COL5A3: variants seen among roughly 807,000 people sequenced by gnomAD.
COL5A3 encodes collagen type V alpha 3 chain.
A neutral mutation model predicts 250.0 loss-of-function variants in COL5A3; 172 were observed. The observed-to-expected ratio is 0.69, with a 90% CI of 0.61 to 0.78. The LOEUF is 0.78. Among genes scored for constraint, COL5A3 ranks in the 30% least tolerant of loss-of-function variants. The pLI, the probability that COL5A3 is intolerant of heterozygous loss-of-function variation, is 0.00. For missense variants in COL5A3, 2,340 were observed against 2,334.4 expected, an observed-to-expected ratio of 1.00 and a Z score of -0.05; for synonymous variants, 937 against 900.4, an observed-to-expected ratio of 1.04 and a Z score of -0.73.
rs369473908 is a variant in COL5A3 at position 9,965,365 on chromosome 19, C to G, written c.4782+949G>C. Among the ~76,000 whole-genome samples, 132 of 151,200 alleles carry G rather than the reference C, an allele frequency of 8.7e-4. No homozygotes were observed. The Middle Eastern group carries it at 0.038, about 43-fold the overall frequency. The stretch of plus-strand genomic sequence containing the variant: ...TAGAGACAGGGTTTCACCATGTTAG[C>G]TAGGATGGTCTCGATCTCCTGACCT... On this transcript the variant is annotated intron_variant, in intron 64 of 66. Coordinates refer to ENST00000264828, the MANE Select transcript of COL5A3 (RefSeq NM_015719.4).
intron 6 of COL5A3, among the ~76,000 whole-genome samples, chr19:10,002,100 T>C (rs1037182715): frequency 6.6e-6 from 1 of 152,160 alleles, no homozygotes; most frequent in Non-Finnish European, 1.5e-5. Context: ...TGAGTCAGGC[T>C]GGCCCTGAAG....
At chr19:10,010,143 C>G (rs937053441) in intron 1 of COL5A3, among the ~76,000 whole-genome samples, 155 bp downstream of exon 1, 6 of 151,622 alleles carry the variant, frequency 4.0e-5, no homozygotes, top group African/African-American at 1.5e-4. Context: ...ACAAATCACC[C>G]AGAGTCAGAT....
Position 9,967,894 on chromosome 19 carries a change from G to A in COL5A3, c.4404+10C>T. On this transcript the variant is annotated intron_variant, in intron 61 of 66. Transcript: ENST00000264828. ...GGATGTGTAAGCCCACGGAAGCAGG[G>A]TGTACTCACCGGAGACCCTTTTGAG... 4.3e-6 allele frequency: 7 copies of A among 1,612,754 alleles called. No homozygotes were observed. The Admixed American group carries it at 8.4e-5, about 19-fold the overall frequency.
At chr19:9,995,824 T>C (rs923564419) in intron 15 of COL5A3, among the ~76,000 whole-genome samples, 1 of 152,154 alleles carries the variant, frequency 6.6e-6, no homozygotes, top group Admixed American at 6.5e-5. Context: ...ATTTATTTAT[T>C]GTATAGACAG....
intron 27 of COL5A3, 61 bp downstream of exon 27, chr19:9,989,063 T>G: frequency 1.3e-6 from 2 of 1,538,822 alleles, no homozygotes; most frequent in Non-Finnish European, 1.8e-6. Context: ...CTGATGGAGC[T>G]GCATCGCATG....
Position 9,977,444 on chromosome 19 carries a change from C to T in COL5A3, c.3155G>A (p.Gly1052Asp). The T allele has an allele frequency of 3.3e-6, 5 of 1,521,450 alleles. No homozygotes were observed. The highest frequency in any genetic ancestry group is 4.4e-6 in the Non-Finnish European group (5 of 1,136,448). The allele number at this position is 1,521,450 out of a possible 1,614,324, so 94.2% of individuals were successfully genotyped here. A position where few individuals can be genotyped will look rare whatever the true frequency, so the allele number is the denominator to read the frequency against. The stretch of plus-strand genomic sequence containing the variant: ...CAGGGGCCCTGGGATCCCATCTTTG[C>T]CAGTGGGGCCAGGGGGGCCACGTTC... Reference protein sequence around the residue: ...RGERGPPGPTGKDGIPGPLGP... With the variant: ...RGERGPPGPTDKDGIPGPLGP... The change falls in exon 43 of 67, where the codon GGC becomes GAC. Residue 1052 changes from glycine (G) to aspartate (D), a missense_variant. Coordinates refer to ENST00000264828, the MANE Select transcript of COL5A3 (RefSeq NM_015719.4).
chr19:9,986,460 G>T, intron 29 of COL5A3, 38 bp from the exon 30 acceptor site: 1 of 1,609,478 alleles, frequency 6.2e-7, no homozygotes, highest in Non-Finnish European at 8.5e-7. Context: ...TCCATCTTTT[G>T]TCCTTCCTGC....
At chr19:9,996,012 G>A (rs2087264546) in intron 15 of COL5A3, 54 bp downstream of exon 15, 3 of 1,458,414 alleles carry the variant, frequency 2.1e-6, no homozygotes, top group Non-Finnish European at 2.8e-6. Flanking sequence ...GTATCTTGTG[G>A]TCCTGGGGGA....
intron 8 of COL5A3, among the ~76,000 whole-genome samples, chr19:9,999,834 T>A (rs1323803724): frequency 6.6e-6 from 1 of 152,112 alleles, no homozygotes; most frequent in East Asian, 1.9e-4. Flanking sequence ...AGTGGTGTGA[T>A]CATGGCTTCC....
intron 15 of COL5A3, 34 bp downstream of exon 15, chr19:9,996,032 C>T: frequency 6.6e-7 from 1 of 1,516,552 alleles, no homozygotes. Flanking sequence ...AAGGCTATTC[C>T]CATCCTATCC....
rs201290996 is a variant in COL5A3 at position 9,992,107 on chromosome 19, A to G, written c.1849-59T>C. On this transcript the variant is annotated intron_variant, in intron 21 of 66. Coordinates refer to ENST00000264828, the MANE Select transcript of COL5A3 (RefSeq NM_015719.4). ...GCAACAAGCTGGGAGCCTGAGTCTG[A>G]GACACCGAGAGATGCAGGTGGAAAG... 13 of 1,431,330 alleles carry G rather than the reference A, an allele frequency of 9.1e-6. No individual in the cohort carries two copies. In the East Asian group the frequency reaches 3.0e-4, roughly 32 times the overall value. The allele number at this position is 1,431,330 out of a possible 1,614,324, so 88.7% of individuals were successfully genotyped here.
rs770960644 is a variant in COL5A3, at chr19:9,974,246, T to C, written c.3451-22A>G. 4.5e-5 allele frequency: 73 copies of C among 1,613,376 alleles called. No homozygotes were observed. The highest frequency in any genetic ancestry group is 5.6e-5 in the Non-Finnish European group (66 of 1,179,778). ...GCCCCTGTGGAACAAAGAAGCAAGA[T>C]TGGGGCACCAGGTAGGGAGAATCAG... is the stretch of plus-strand genomic sequence containing the variant. On this transcript the variant is annotated intron_variant, in intron 46 of 66. Transcript: ENST00000264828.
At position 10,003,616 on chromosome 19, in the gene COL5A3, CT is replaced by C; in HGVS notation, c.797del (p.Lys266ArgfsTer46). The C allele has an allele frequency of 6.2e-7, 1 of 1,614,180 alleles. No homozygotes were observed. Among genetic ancestry groups the C allele is most frequent in the African/African-American group, 1.3e-5 (1 of 75,048 alleles). On this transcript the variant is annotated frameshift_variant, in exon 6 of 67. Coordinates refer to ENST00000264828, the MANE Select transcript of COL5A3 (RefSeq NM_015719.4). LOFTEE classifies it high-confidence loss of function. ...GACTTGAGGTCCAAATTTCCTTGTTCTTTTTCCTGCCCTTCCCCTTGCGACC... is the reference window on the plus strand; with the variant it reads ...GACTTGAGGTCCAAATTTCCTTGTTCTTTTCCTGCCCTTCCCCTTGCGACC... ...GRGRKGKGRK[K>X]NKEIWTSSPP...
chr19:9,997,835 C>A (rs544180009), intron 10 of COL5A3, 149 bp downstream of exon 10: 19 of 735,850 alleles, frequency 2.6e-5, no homozygotes, highest in African/African-American at 1.2e-4. Flanking sequence ...TGTTCATCCT[C>A]CCTATTTTGA....
intron 30 of COL5A3, 134 bp from the exon 31 acceptor site, chr19:9,986,029 C>T: frequency 1.3e-6 from 1 of 798,996 alleles, no homozygotes; most frequent in Non-Finnish European, 2.1e-6. Flanking sequence ...GTCCTTGCTC[C>T]TGCCTGCTAG....
intron 31 of COL5A3, among the ~76,000 whole-genome samples, chr19:9,982,892 G>T (rs895608948): frequency 6.6e-6 from 1 of 152,058 alleles, no homozygotes; most frequent in Non-Finnish European, 1.5e-5. Context: ...GTCTCACTTT[G>T]TCACCCAGGC....
At chr19:9,990,894 A>G (rs907657752) in intron 24 of COL5A3, among the ~76,000 whole-genome samples, 3 of 152,136 alleles carry the variant, frequency 2.0e-5, no homozygotes, top group African/African-American at 4.8e-5. Context: ...TGCAAGAGAC[A>G]TGTTGAAATA....
chr19:9,983,580 GAAAGAA>G (rs2087046028), intron 31 of COL5A3, among the ~76,000 whole-genome samples: 1 of 94,506 alleles, frequency 1.1e-5, no homozygotes, highest in African/African-American at 3.8e-5. Context: ...AAGAAAGAAA[GAAAGAA>G]AGAAAGAAAG....
At chr19:9,974,135 A>T (rs974984508) in intron 47 of COL5A3, 36 bp downstream of exon 47, 6 of 1,603,298 alleles carry the variant, frequency 3.7e-6, no homozygotes, top group Non-Finnish European at 5.1e-6. Flanking sequence ...TAACCCCACC[A>T]TCCTCCCCCT....
Sources: gnomAD v4.1 joint callset for allele counts (sites outside exome capture counted in the v4.1 genomes callset) on GRCh38, gnomAD v4.1.1 for gene constraint, MANE v1.5 for transcripts, NCBI Gene and HGNC (gene_info 2026-07-23, HGNC 2026-07-21) for gene names.